The following HDAC4 variants were observed in gnomAD, a reference collection of about 807,000 sequenced individuals.
HDAC4 encodes histone deacetylase 4.
In HDAC4, 16 loss-of-function variants were observed where a neutral mutation model predicts 135.1. The observed-to-expected ratio is 0.12, with a 90% CI of 0.08 to 0.18. The LOEUF is 0.18. Ranked by LOEUF, HDAC4 falls within the 10% of genes least tolerant of loss-of-function variation. HDAC4 has a pLI of 1.00. For synonymous variants in HDAC4, 685 were observed against 653.4 expected (o/e 1.05, Z -0.74); for missense variants, 1,143 against 1,511.8 (o/e 0.76, Z 4.05).
At chr2:239,247,182 C>A (rs1241739640) in intron 2 of HDAC4, among the ~76,000 whole-genome samples, 1 of 152,240 alleles carries the variant, frequency 6.6e-6, no homozygotes, top group Non-Finnish European at 1.5e-5. Flanking sequence ...ACCCGCACAG[C>A]CGGGCAAACC....
intron 1 of HDAC4, among the ~76,000 whole-genome samples, chr2:239,355,235 A>T (rs1050771727): frequency 5.3e-5 from 8 of 152,064 alleles, no homozygotes; most frequent in African/African-American, 1.5e-4. Context: ...TATGTCACTG[A>T]TTATTATTTT....
chr2:239,053,206 G>T (rs371026646), intron 26 of HDAC4, 70 bp from the exon 27 acceptor site: 170 of 1,585,030 alleles, frequency 1.1e-4, no homozygotes, highest in Non-Finnish European at 1.4e-4. Flanking sequence ...AGAACAGAAC[G>T]TGGGTTAAAG....
rs1206758668 is a variant in HDAC4, at chr2:239,146,540, C to T, written c.734-1826G>A. Among the ~76,000 whole-genome samples, 2 of 152,212 alleles carry T rather than the reference C, an allele frequency of 1.3e-5. No homozygotes were observed. The highest frequency in any genetic ancestry group is 4.8e-5 in the African/African-American group (2 of 41,464). ...ATGGACTGGCTGTGGTACTGCAGCC[C>T]AGTGCACCGCCTCCCCCAGGCCCTG... On this transcript the variant is annotated intron_variant, in intron 7 of 26. Coordinates refer to ENST00000543185, the MANE Select transcript of HDAC4 (RefSeq NM_001378414.1). The surrounding 1 kb of genome is among the most constrained non-coding windows in gnomAD (Gnocchi z 4.5).
At chr2:239,061,544 T>C (rs2032741989) in intron 24 of HDAC4, among the ~76,000 whole-genome samples, 1 of 151,954 alleles carries the variant, frequency 6.6e-6, no homozygotes, top group African/African-American at 2.4e-5. Context: ...GTGGTGTGCA[T>C]GAGCAAGGAT....
intron 4 of HDAC4, among the ~76,000 whole-genome samples, chr2:239,179,077 C>T (rs1342336740): frequency 2.1e-5 from 3 of 146,254 alleles, no homozygotes; most frequent in Non-Finnish European, 3.0e-5. Flanking sequence ...AGGCAGCCAC[C>T]GGACGCCCGA....
intron 2 of HDAC4, 76 bp from the exon 3 acceptor site, chr2:239,236,740 G>A (rs2047909866): frequency 1.9e-6 from 2 of 1,049,862 alleles, no homozygotes; most frequent in Admixed American, 4.0e-5. Context: ...GGAGTCTGCA[G>A]GGAGTAACTC....
chr2:239,380,184 C>T (rs560046934), intron 1 of HDAC4, among the ~76,000 whole-genome samples: 1 of 152,336 alleles, frequency 6.6e-6, no homozygotes, highest in South Asian at 2.1e-4. Context: ...AGATCTGGAC[C>T]AGAGGAATAA....
At chr2:239,315,063 AC>A (rs1165301298) in intron 2 of HDAC4, among the ~76,000 whole-genome samples, 1 of 152,138 alleles carries the variant, frequency 6.6e-6, no homozygotes, top group Non-Finnish European at 1.5e-5. Flanking sequence ...GTCTCCACAA[AC>A]CCTTATCATA....
chr2:239,189,922 T>A lies in HDAC4; in HGVS notation c.250A>T (p.Ile84Phe). 1.2e-6 allele frequency: 2 copies of A among 1,610,746 alleles called. No individual in the cohort carries two copies. The highest frequency in any genetic ancestry group is 2.2e-5 in the South Asian group (2 of 91,044). ...TCAGCGATGAGGATCTGCCTCTGGA[T>A]CTGCTGCTTCTGCTTGAGCGCCAGG... ...ELLALKQKQQ[I>F]QRQILIAEFQ... The change falls in exon 4 of 27, where the codon ATC (isoleucine) becomes TTC (phenylalanine). Residue 84 changes from isoleucine (I) to phenylalanine (F), a missense_variant. Coordinates refer to ENST00000543185, the MANE Select transcript of HDAC4 (RefSeq NM_001378414.1).
At chr2:239,073,052 C>T (rs983775683) in intron 22 of HDAC4, among the ~76,000 whole-genome samples, 6 of 152,174 alleles carry the variant, frequency 3.9e-5, no homozygotes, top group South Asian at 4.1e-4. Flanking sequence ...AAGAGTGATG[C>T]GTGGGACTGT....
At chr2:239,191,607 T>G (rs2044964036) in intron 3 of HDAC4, among the ~76,000 whole-genome samples, 1 of 152,204 alleles carries the variant, frequency 6.6e-6, no homozygotes, top group Non-Finnish European at 1.5e-5. Flanking sequence ...TGGCCGGAGC[T>G]TGGGGTTCTG....
intron 1 of HDAC4, among the ~76,000 whole-genome samples, chr2:239,388,795 G>A (rs1423030054): frequency 6.6e-6 from 1 of 152,260 alleles, no homozygotes; most frequent in Non-Finnish European, 1.5e-5. Flanking sequence ...TCAGCGGAGG[G>A]AGTGTGTGGA....
At chr2:239,108,758 G>A (rs138975351) in intron 14 of HDAC4, among the ~76,000 whole-genome samples, 8 of 152,310 alleles carry the variant, frequency 5.3e-5, no homozygotes, top group East Asian at 3.9e-4. Flanking sequence ...GAAAACACAC[G>A]CAAAACCCAT....
Position 239,140,871 on chromosome 2 carries a change from G to A in HDAC4, c.866-1075C>T, listed in dbSNP as rs752886430. ...GAGGACGCAGGTGCCCACTCATGCT[G>A]ACTCACGTGGTATCCACGCCTGCTG... On this transcript the variant is annotated intron_variant, in intron 8 of 26. Coordinates refer to ENST00000543185, the MANE Select transcript of HDAC4 (RefSeq NM_001378414.1). 5.5e-5 allele frequency: 24 copies of A among 437,262 alleles called. 1 individual carries two copies. Among genetic ancestry groups the A allele is most frequent in the South Asian group, 4.0e-4 (24 of 60,494 alleles). 27.1% of individuals were successfully genotyped at this position (437,262 alleles called of 1,614,324 possible).
chr2:239,226,176 T>TA (rs985302944), intron 3 of HDAC4, among the ~76,000 whole-genome samples: 4 of 152,088 alleles, frequency 2.6e-5, no homozygotes, highest in African/African-American at 9.7e-5. Flanking sequence ...AGAAAAAAGA[T>TA]AAAAAGCCCT....
At chr2:239,157,163 G>C (rs1476867495) in intron 6 of HDAC4, among the ~76,000 whole-genome samples, 2 of 152,244 alleles carry the variant, frequency 1.3e-5, no homozygotes, top group African/African-American at 4.8e-5. Flanking sequence ...GAAAACAGTA[G>C]GCTGCTGCAT....
At position 239,331,680 on chromosome 2, in the gene HDAC4, C is replaced by G. The variant is rs1269390593; in HGVS notation, c.22+20998G>C. Among the ~76,000 whole-genome samples the G allele has an allele frequency of 3.9e-5, 6 of 152,120 alleles. No homozygotes were observed. Among genetic ancestry groups the G allele is most frequent in the Non-Finnish European group, 7.3e-5 (5 of 68,028 alleles). ...GGGACTGCCAGGTAAACCTCAGCTT[C>G]CACTCTGGGCTACAGCGGGCCATAC... On this transcript the variant is annotated intron_variant, in intron 2 of 26. Transcript: ENST00000543185. The surrounding 1 kb of genome is among the most constrained non-coding windows in gnomAD (Gnocchi z 4.5).
chr2:239,203,070 C>T (rs1455542071), intron 3 of HDAC4, among the ~76,000 whole-genome samples: 2 of 152,206 alleles, frequency 1.3e-5, no homozygotes, highest in Admixed American at 1.3e-4. Flanking sequence ...AGGCACACAG[C>T]CCTGCAGGGC....
intron 3 of HDAC4, among the ~76,000 whole-genome samples, chr2:239,199,114 ACCAC>A (rs1559215742): frequency 2.0e-3 from 5 of 2,526 alleles, no homozygotes; most frequent in Admixed American, 2.7e-3. Context: ...CCTGCCCCCC[ACCAC>A]CCCCACCCCG....
Sources: gnomAD v4.1 joint callset for allele counts (sites outside exome capture counted in the v4.1 genomes callset) on GRCh38, gnomAD v4.1.1 for gene constraint, Gnocchi (gnomAD v3.1) non-coding constraint, MANE v1.5 for transcripts, NCBI Gene and HGNC (gene_info 2026-07-23, HGNC 2026-07-21) for gene names.